Variants in SEM1 observed in about 807,000 individuals in gnomAD.
The protein encoded by SEM1 is 26S proteasome complex subunit SEM1.
A neutral mutation model predicts 12.7 loss-of-function variants in SEM1; 3 were observed. That is an observed-to-expected ratio of 0.24 (90% CI 0.11 to 0.61). SEM1 has a LOEUF of 0.61. Ranked by LOEUF, SEM1 falls within the 20% of genes least tolerant of loss-of-function variation. SEM1 has a pLI of 0.88. For missense variants in SEM1, 59 were observed against 81.3 expected (o/e 0.73, Z 1.06); for synonymous variants, 30 against 27.8 (o/e 1.08, Z -0.25).
intron 2 of SEM1, among the ~76,000 whole-genome samples, chr7:96,596,359 T>C (rs1333297501): frequency 6.6e-6 from 1 of 152,158 alleles, no homozygotes; most frequent in Non-Finnish European, 1.5e-5. Flanking sequence ...CTGGAAGAGC[T>C]TGCATCTGGC....
intron 2 of SEM1, among the ~76,000 whole-genome samples, chr7:96,518,820 G>C (rs969261255): frequency 2.6e-5 from 4 of 152,150 alleles, no homozygotes; most frequent in Admixed American, 2.6e-4. Flanking sequence ...CATATGGTAA[G>C]GGAAAGTTTA....
chr7:96,619,515 C>T (rs1192845318), downstream of SEM1, among the ~76,000 whole-genome samples: 1 of 152,092 alleles, frequency 6.6e-6, no homozygotes, highest in Non-Finnish European at 1.5e-5. Context: ...TTTTAGGCCC[C>T]AGAGCAGTTG....
intron 2 of SEM1, among the ~76,000 whole-genome samples, chr7:96,595,163 AT>A (rs1215673624): frequency 2.0e-5 from 3 of 151,812 alleles, no homozygotes; most frequent in Admixed American, 6.6e-5. Flanking sequence ...ACTAGGTAAT[AT>A]TTTTTTTAAT....
downstream of SEM1, among the ~76,000 whole-genome samples, chr7:96,669,112 A>G (rs1392229816): frequency 2.6e-5 from 4 of 152,202 alleles, no homozygotes; most frequent in African/African-American, 9.6e-5. Context: ...AGCATGCAGC[A>G]ATAAATTTCT....
chr7:96,505,426 G>A (rs1435038410), intron 3 of SEM1, among the ~76,000 whole-genome samples: 1 of 152,008 alleles, frequency 6.6e-6, no homozygotes, highest in Non-Finnish European at 1.5e-5. Context: ...ATCTCTAATT[G>A]TGAGATGTTA....
At chr7:96,694,972 T>G (rs1790043577) in intron 1 of SEM1, 81 bp from the exon 2 acceptor site, 3 of 977,942 alleles carry the variant, frequency 3.1e-6, no homozygotes, top group Non-Finnish European at 4.8e-6. Context: ...AGCTTGCTAC[T>G]GAACACTCAC....
downstream of SEM1, chr7:96,688,029 C>G (rs1287757803): frequency 1.3e-5 from 2 of 152,152 alleles, no homozygotes; most frequent in African/African-American, 4.8e-5. Context: ...ATAAATTTTA[C>G]ATTTGAAATT....
chr7:96,688,498 G>A (rs1420529179), downstream of SEM1: 1 of 152,722 alleles, frequency 6.5e-6, no homozygotes, highest in Admixed American at 6.6e-5. Flanking sequence ...AAATACAGAA[G>A]AGATTAAGGT....
chr7:96,677,095 G>A (rs1193444663), intron 2 of SEM1, among the ~76,000 whole-genome samples: 5 of 152,094 alleles, frequency 3.3e-5, no homozygotes, highest in Admixed American at 3.3e-4. Context: ...AGCAATCAGC[G>A]AACAAGGTCA....
intron 2 of SEM1, among the ~76,000 whole-genome samples, chr7:96,633,247 A>G (rs183604693): frequency 6.6e-6 from 1 of 152,258 alleles, no homozygotes; most frequent in East Asian, 1.9e-4. Flanking sequence ...CATAGGAAAA[A>G]TAGACATAGC....
intron 2 of SEM1, among the ~76,000 whole-genome samples, chr7:96,674,695 C>A (rs1789408381): frequency 6.6e-6 from 1 of 151,934 alleles, no homozygotes; most frequent in African/African-American, 2.4e-5. Context: ...AGTATACATA[C>A]AATGCATACA....
chr7:96,581,961 A>T (rs1806426699), intron 2 of SEM1, among the ~76,000 whole-genome samples: 1 of 150,768 alleles, frequency 6.6e-6, no homozygotes, highest in East Asian at 2.0e-4. Flanking sequence ...AATACCCTTT[A>T]TTTCCTTCTC....
chr7:96,573,940 AT>A (rs201124268), intron 2 of SEM1, among the ~76,000 whole-genome samples: 640 of 44,370 alleles, frequency 0.014, 3 homozygotes, highest in African/African-American at 0.022. Flanking sequence ...TTTTTTTTTA[AT>A]ATTTTTTATT....
intron 2 of SEM1, chr7:96,650,639 G>A: frequency 1.6e-6 from 1 of 638,308 alleles, no homozygotes; most frequent in Non-Finnish European, 2.8e-6. Flanking sequence ...AACCCCCCAA[G>A]TTCCAAATTT....
At position 96,679,782 on chromosome 7, in the gene SEM1, T is replaced by G. The variant is rs1389064744; in HGVS notation, c.171-5923A>C. Reference sequence around the variant, plus strand: ...GTTATAAAAGGTCTCTACTGTTTCCTAATCTATGCTGATTCTGCCAATCAT... The same window carrying G: ...GTTATAAAAGGTCTCTACTGTTTCCGAATCTATGCTGATTCTGCCAATCAT... On this transcript the variant is annotated intron_variant, in intron 2 of 2. Coordinates refer to the SEM1 transcript ENST00000413065. Among the ~76,000 whole-genome samples the G allele has an allele frequency of 2.6e-5, 4 of 152,298 alleles. No homozygotes were observed. In the East Asian group the frequency reaches 5.8e-4, roughly 22 times the overall value.
At chr7:96,582,699 G>A (rs1445496665) in intron 2 of SEM1, among the ~76,000 whole-genome samples, 1 of 152,252 alleles carries the variant, frequency 6.6e-6, no homozygotes, top group African/African-American at 2.4e-5. Context: ...GTTTAGTCTT[G>A]GGAGAGTGCA....
chr7:96,571,147 T>C (rs1806014790), intron 2 of SEM1, among the ~76,000 whole-genome samples: 1 of 152,188 alleles, frequency 6.6e-6, no homozygotes, highest in South Asian at 2.1e-4. Context: ...TCTCCCATTC[T>C]GTAGGCTGCC....
At chr7:96,586,363 T>C (rs952707959) in intron 2 of SEM1, among the ~76,000 whole-genome samples, 1 of 152,174 alleles carries the variant, frequency 6.6e-6, no homozygotes, top group African/African-American at 2.4e-5. Context: ...AAAGAAGATA[T>C]TGAAAATGTG....
intron 2 of SEM1, among the ~76,000 whole-genome samples, chr7:96,615,789 G>C (rs1807699919): frequency 6.6e-6 from 1 of 152,104 alleles, no homozygotes. Flanking sequence ...ATTACTCCAT[G>C]CTGTATGCCT....
Sources: allele counts gnomAD v4.1 joint callset (sites outside exome capture counted in the v4.1 genomes callset), GRCh38; gene constraint gnomAD v4.1.1; transcripts MANE v1.5; gene names NCBI Gene and HGNC (gene_info 2026-07-23, HGNC 2026-07-21).